MACROD2: variants seen among roughly 807,000 people sequenced by gnomAD.
MACROD2 encodes ADP-ribose glycohydrolase MACROD2.
A neutral mutation model predicts 70.4 loss-of-function variants in MACROD2; 36 were observed. That is an observed-to-expected ratio of 0.51 (90% CI 0.39 to 0.68). The LOEUF is 0.68. Ranked by LOEUF, MACROD2 falls within the 30% of genes least tolerant of loss-of-function variation. The probability of loss-of-function intolerance (pLI) is 0.00; values close to 1 mark genes in which losing one functional copy is unlikely to be tolerated. For missense variants in MACROD2, 496 were observed against 538.4 expected, an observed-to-expected ratio of 0.92 and a Z score of 0.78; for synonymous variants, 172 against 178.8, an observed-to-expected ratio of 0.96 and a Z score of 0.30.
intron 9 of MACROD2, among the ~76,000 whole-genome samples, chr20:15,875,223 T>C (rs2064651063): frequency 1.3e-5 from 2 of 152,124 alleles, no homozygotes; most frequent in South Asian, 4.1e-4. Flanking sequence ...TAGAAATATG[T>C]TACAACAGTA....
At chr20:14,597,921 C>CA (rs1982247863) in intron 4 of MACROD2, among the ~76,000 whole-genome samples, 1 of 152,040 alleles carries the variant, frequency 6.6e-6, no homozygotes, top group Non-Finnish European at 1.5e-5. Flanking sequence ...TCATTATACT[C>CA]AGTTATTTAT....
intron 3 of MACROD2, among the ~76,000 whole-genome samples, chr20:14,414,942 T>TTC (rs10688265): frequency 7.0e-6 from 1 of 142,468 alleles, no homozygotes; most frequent in African/African-American, 2.6e-5. Context: ...TTTTTTTTTT[T>TTC]CCCATGGTGT....
chr20:14,073,643 G>A (rs191258053), intron 2 of MACROD2, among the ~76,000 whole-genome samples: 3 of 152,240 alleles, frequency 2.0e-5, no homozygotes, highest in South Asian at 2.1e-4. Flanking sequence ...AGAGATCACC[G>A]TGATAGGTAA....
At chr20:15,537,467 C>G (rs1337623956) in intron 8 of MACROD2, among the ~76,000 whole-genome samples, 1 of 89,930 alleles carries the variant, frequency 1.1e-5, no homozygotes, top group Non-Finnish European at 2.0e-5. Context: ...TCCCACTCAT[C>G]TTTTTTTTTT....
At chr20:16,048,641 G>A (rs745996176) in intron 17 of MACROD2, among the ~76,000 whole-genome samples, 3 of 152,154 alleles carry the variant, frequency 2.0e-5, no homozygotes, top group Admixed American at 6.5e-5. Flanking sequence ...GATCCCACTA[G>A]TATTGAATTA....
At chr20:15,859,939 T>C (rs1601008194) in intron 8 of MACROD2, among the ~76,000 whole-genome samples, 1 of 152,012 alleles carries the variant, frequency 6.6e-6, no homozygotes. Context: ...ATCGAGACCA[T>C]CCTGGCTAAC....
chr20:14,807,903 G>T (rs1438297748), intron 5 of MACROD2, among the ~76,000 whole-genome samples: 1 of 151,962 alleles, frequency 6.6e-6, no homozygotes, highest in African/African-American at 2.4e-5. Flanking sequence ...AAAAAACAAT[G>T]AGAAAAAATG....
chr20:15,406,738 A>G (rs1474961018), intron 6 of MACROD2, among the ~76,000 whole-genome samples: 1 of 152,222 alleles, frequency 6.6e-6, no homozygotes, highest in Non-Finnish European at 1.5e-5. Flanking sequence ...CAAATTGTCC[A>G]GAATAAACAA....
rs188968691 is a variant in MACROD2, at chr20:15,147,504, T to C, written c.419-82436T>C. 6.2e-5 allele frequency among the ~76,000 whole-genome samples: 9 copies of C among 144,006 alleles called. No homozygotes were observed. The East Asian group carries it at 1.9e-3, about 30-fold the overall frequency. 94.5% of individuals were successfully genotyped at this position (144,006 alleles called of 152,430 possible). On this transcript the variant is annotated intron_variant, in intron 5 of 17. Transcript: ENST00000684519. ...ATAGCTATTATCATTCCAACAGATT[T>C]TTTTTCCTCTTTGATTCTTTCTAGC...
At chr20:14,181,315 G>T (rs991935110) in intron 3 of MACROD2, among the ~76,000 whole-genome samples, 3 of 151,738 alleles carry the variant, frequency 2.0e-5, no homozygotes, top group African/African-American at 2.4e-5. Flanking sequence ...CATTCCTTCC[G>T]CCTTGGCCTC....
chr20:14,425,752 ACTCTT>A (rs1478727562), intron 3 of MACROD2, among the ~76,000 whole-genome samples: 1 of 150,964 alleles, frequency 6.6e-6, no homozygotes, highest in Non-Finnish European at 1.5e-5. Flanking sequence ...TACCCTGGGG[ACTCTT>A]CGCATCTTTC....
intron 4 of MACROD2, among the ~76,000 whole-genome samples, chr20:14,532,573 CTTA>C (rs2085320236): frequency 6.6e-6 from 1 of 152,032 alleles, no homozygotes; most frequent in Non-Finnish European, 1.5e-5. Flanking sequence ...AGAGCCATTA[CTTA>C]TTACTGTGTG....
At chr20:15,346,501 G>T (rs756102348) in intron 6 of MACROD2, among the ~76,000 whole-genome samples, 1 of 152,170 alleles carries the variant, frequency 6.6e-6, no homozygotes, top group African/African-American at 2.4e-5. Context: ...AGTCCAGTGA[G>T]CTGAACTAGG....
chr20:14,788,892 C>T (rs1190510462), intron 5 of MACROD2, among the ~76,000 whole-genome samples: 5 of 151,308 alleles, frequency 3.3e-5, no homozygotes, highest in Non-Finnish European at 2.9e-5. Flanking sequence ...CCTCAGCCCC[C>T]TGAGTAGCTA....
intron 3 of MACROD2, among the ~76,000 whole-genome samples, chr20:14,246,185 A>G (rs1212694681): frequency 3.3e-5 from 5 of 152,184 alleles, no homozygotes; most frequent in Non-Finnish European, 7.3e-5. Context: ...TTCAGGGCTC[A>G]TTAATGTTTC....
At chr20:14,202,882 C>G (rs1212783285) in intron 3 of MACROD2, among the ~76,000 whole-genome samples, 2 of 152,082 alleles carry the variant, frequency 1.3e-5, no homozygotes, top group African/African-American at 4.8e-5. Flanking sequence ...AACCCCGTCT[C>G]TATTAAAAAT....
At chr20:15,937,707 A>C (rs941408869) in intron 12 of MACROD2, among the ~76,000 whole-genome samples, 163 bp downstream of exon 12, 5 of 148,546 alleles carry the variant, frequency 3.4e-5, no homozygotes, top group African/African-American at 1.2e-4. Flanking sequence ...CTTTTATTGC[A>C]TACCTAGCCT....
intron 3 of MACROD2, among the ~76,000 whole-genome samples, chr20:14,214,333 T>A (rs1470665223): frequency 1.3e-5 from 2 of 152,094 alleles, no homozygotes; most frequent in Non-Finnish European, 2.9e-5. Context: ...TGTAGTGCCA[T>A]CCCCTTCTTT....
At chr20:15,171,840 C>T (rs2076424767) in intron 5 of MACROD2, among the ~76,000 whole-genome samples, 1 of 152,180 alleles carries the variant, frequency 6.6e-6, no homozygotes, top group African/African-American at 2.4e-5. Context: ...CTTTGTCCCA[C>T]ACACTACACT....
Sources: allele counts gnomAD v4.1 joint callset (sites outside exome capture counted in the v4.1 genomes callset), GRCh38; gene constraint gnomAD v4.1.1; transcripts MANE v1.5; gene names NCBI Gene and HGNC (gene_info 2026-07-23, HGNC 2026-07-21).